CYB5R4: variants seen among roughly 807,000 people sequenced by gnomAD.
The protein encoded by CYB5R4 is N-terminal cytochrome b5 and cytochrome b5 oxidoreductase domain-containing protein.
CYB5R4 carries 55 observed loss-of-function variants against 70.2 expected under a neutral mutation model. That is an observed-to-expected ratio of 0.78 (90% confidence interval 0.63 to 0.98). The LOEUF (loss-of-function observed/expected upper bound fraction) is 0.98, where lower values mean the gene tolerates loss of function less well. Among genes scored for constraint, CYB5R4 ranks in the 50% least tolerant of loss-of-function variants. The probability of loss-of-function intolerance (pLI) is 0.00; values close to 1 mark genes in which losing one functional copy is unlikely to be tolerated. For missense variants in CYB5R4, 562 were observed against 612.6 expected, an observed-to-expected ratio of 0.92 and a Z score of 0.87; for synonymous variants, 197 against 199.5, an observed-to-expected ratio of 0.99 and a Z score of 0.11.
intron 2 of CYB5R4, among the ~76,000 whole-genome samples, chr6:83,882,551 A>G (rs1338671934): frequency 6.6e-6 from 1 of 152,220 alleles, no homozygotes; most frequent in Admixed American, 6.5e-5. Context: ...TTATAAGGTC[A>G]GAATATAATC....
At chr6:83,938,471 C>T (rs902414672) in intron 12 of CYB5R4, among the ~76,000 whole-genome samples, 1 of 152,116 alleles carries the variant, frequency 6.6e-6, no homozygotes, top group Non-Finnish European at 1.5e-5. Flanking sequence ...GTTTCAATCC[C>T]GTGTTCACTA....
At chr6:83,899,140 T>C (rs1466855918) in intron 3 of CYB5R4, among the ~76,000 whole-genome samples, 1 of 152,228 alleles carries the variant, frequency 6.6e-6, no homozygotes, top group Non-Finnish European at 1.5e-5. Flanking sequence ...ATATGTGGCA[T>C]CAGTACCTAA....
chr6:83,953,038 C>T (rs369654880), intron 14 of CYB5R4, among the ~76,000 whole-genome samples: 21 of 152,244 alleles, frequency 1.4e-4, no homozygotes, highest in East Asian at 3.9e-4. Flanking sequence ...ATAGCACTTT[C>T]GGTTTCTTCC....
chr6:83,890,734 A>G (rs1007083014), intron 2 of CYB5R4, among the ~76,000 whole-genome samples: 1 of 152,088 alleles, frequency 6.6e-6, no homozygotes, highest in African/African-American at 2.4e-5. Context: ...AGAAATTGTC[A>G]CCGCCACCTC....
intron 10 of CYB5R4, among the ~76,000 whole-genome samples, chr6:83,928,569 A>G (rs749783970): frequency 4.6e-5 from 7 of 152,188 alleles, no homozygotes; most frequent in Non-Finnish European, 8.8e-5. Flanking sequence ...CTGGTTGCAT[A>G]TTGTGCCAAG....
intron 1 of CYB5R4, among the ~76,000 whole-genome samples, chr6:83,860,124 T>G (rs2099455702): frequency 6.6e-6 from 1 of 152,012 alleles, no homozygotes; most frequent in Admixed American, 6.5e-5. Flanking sequence ...TTCCCGCGAT[T>G]TAAATTTATA....
chr6:83,950,680 A>G (rs1255817697), intron 14 of CYB5R4, among the ~76,000 whole-genome samples: 2 of 152,188 alleles, frequency 1.3e-5, no homozygotes, highest in African/African-American at 4.8e-5. Flanking sequence ...TTTTTTATAA[A>G]CAGCATTTGT....
intron 15 of CYB5R4, among the ~76,000 whole-genome samples, chr6:83,956,903 T>TA (rs34874459): frequency 0.055 from 7,074 of 127,724 alleles, 142 homozygotes; most frequent in Middle Eastern, 0.07. Context: ...TTGGGCAAGA[T>TA]AAAAAAAAAA....
chr6:83,868,795 TATG>T (rs1299882088), intron 2 of CYB5R4, among the ~76,000 whole-genome samples: 4 of 152,144 alleles, frequency 2.6e-5, no homozygotes, highest in African/African-American at 4.8e-5. Flanking sequence ...TTTACTGTAA[TATG>T]ATATGTTTTA....
chr6:83,905,530 A>G (rs1185943323), intron 3 of CYB5R4, among the ~76,000 whole-genome samples: 1 of 152,150 alleles, frequency 6.6e-6, no homozygotes, highest in Non-Finnish European at 1.5e-5. Context: ...GTCTTAGGGT[A>G]CAATTATTGG....
intron 10 of CYB5R4, among the ~76,000 whole-genome samples, chr6:83,926,710 AC>A (rs2099467344): frequency 6.6e-6 from 1 of 151,746 alleles, no homozygotes; most frequent in Non-Finnish European, 1.5e-5. Context: ...CAATCCAAAG[AC>A]CCCTTGTTTA....
chr6:83,915,217 A>G (rs903478837), intron 5 of CYB5R4, among the ~76,000 whole-genome samples: 2 of 152,230 alleles, frequency 1.3e-5, no homozygotes, highest in African/African-American at 4.8e-5. Flanking sequence ...CACTACTGAC[A>G]TAAAATGCAT....
intron 14 of CYB5R4, among the ~76,000 whole-genome samples, chr6:83,945,185 C>G (rs1264169995): frequency 2.6e-5 from 4 of 152,198 alleles, no homozygotes; most frequent in Non-Finnish European, 5.9e-5. Flanking sequence ...GTAAAACACT[C>G]CTCAGCAAAT....
In CYB5R4 at chr6:83,922,315, A is replaced by C. The variant is rs147269285; in HGVS notation, c.659-123A>C. 145 of 613,386 alleles carry C rather than the reference A, an allele frequency of 2.4e-4. 1 individual carries two copies. Among genetic ancestry groups the C allele is most frequent in the African/African-American group, 2.0e-3 (104 of 52,440 alleles). 38.0% of individuals were successfully genotyped at this position (613,386 alleles called of 1,614,324 possible). ...TTGTGTAAAATTGTTTTGGTCTTTC[A>C]GAACACGTTTTGTCTTGAGGGATTT... On this transcript the variant is annotated intron_variant, in intron 8 of 15. Transcript: ENST00000369681.
At chr6:83,940,985 A>G (rs1419045266) in intron 14 of CYB5R4, among the ~76,000 whole-genome samples, 1 of 152,214 alleles carries the variant, frequency 6.6e-6, no homozygotes, top group African/African-American at 2.4e-5. Context: ...TAAACATGAT[A>G]TGGGATTTCT....
chr6:83,914,430 G>T lies in CYB5R4; in HGVS notation c.427G>T (p.Glu143Ter), dbSNP rs374331143. The change falls in exon 5 of 16, where the codon GAA becomes TAA. Residue 143 changes from glutamate (E) to a stop codon, truncating the protein, a stop_gained. Coordinates refer to ENST00000369681, the MANE Select transcript of CYB5R4 (RefSeq NM_016230.4). LOFTEE classifies it high-confidence loss of function. ...TCACTATACAGACTATCGTGAGGAG[G>T]AAAAGAAAGTCTTAAATGGTAAGTC... ...PAVLKDYREE[E>*]KKVLNGMLPK... The T allele has an allele frequency of 3.9e-6, 6 of 1,528,414 alleles. No homozygotes were observed. Among genetic ancestry groups the T allele is most frequent in the Non-Finnish European group, 5.3e-6 (6 of 1,123,422 alleles). The allele number at this position is 1,528,414 out of a possible 1,614,324, so 94.7% of individuals were successfully genotyped here.
At chr6:83,933,235 C>A (rs1034649264) in intron 10 of CYB5R4, among the ~76,000 whole-genome samples, 1 of 152,134 alleles carries the variant, frequency 6.6e-6, no homozygotes, top group Non-Finnish European at 1.5e-5. Flanking sequence ...AGCCTGTGCC[C>A]TGGCACTAGA....
At chr6:83,954,495 A>G (rs1244765870) in intron 14 of CYB5R4, among the ~76,000 whole-genome samples, 1 of 152,124 alleles carries the variant, frequency 6.6e-6, no homozygotes, top group Non-Finnish European at 1.5e-5. Flanking sequence ...CACCTAGACA[A>G]TGAACATAGT....
chr6:83,902,644 G>T (rs562119979), intron 3 of CYB5R4, among the ~76,000 whole-genome samples: 48 of 152,080 alleles, frequency 3.2e-4, no homozygotes, highest in African/African-American at 1.1e-3. Flanking sequence ...TAATTCTTCT[G>T]ATCCATGAGC....
Sources: allele counts gnomAD v4.1 joint callset (sites outside exome capture counted in the v4.1 genomes callset), GRCh38; gene constraint gnomAD v4.1.1; transcripts MANE v1.5; gene names NCBI Gene and HGNC (gene_info 2026-07-23, HGNC 2026-07-21).